The following TEX36 variants were observed in gnomAD, a reference collection of about 807,000 sequenced individuals.
TEX36 encodes testis-expressed protein 36.
In TEX36, 12 loss-of-function variants were observed where a neutral mutation model predicts 13.6. That is an observed-to-expected ratio of 0.88 (90% CI 0.56 to 1.43). The LOEUF is 1.43. Ranked by LOEUF, TEX36 falls within the 40% of genes most tolerant of loss-of-function variation. The probability of loss-of-function intolerance (pLI) is 0.00; values close to 1 mark genes in which losing one functional copy is unlikely to be tolerated. For missense variants in TEX36, 224 were observed against 228.3 expected, an observed-to-expected ratio of 0.98 and a Z score of 0.12; for synonymous variants, 93 against 83.0, an observed-to-expected ratio of 1.12 and a Z score of -0.65.
chr10:125,605,458 A>G (rs931617361), intron 3 of TEX36, among the ~76,000 whole-genome samples: 4 of 151,956 alleles, frequency 2.6e-5, no homozygotes, highest in Non-Finnish European at 5.9e-5. Flanking sequence ...AGCATAGTGC[A>G]GCAATGTGGT....
At chr10:125,580,312 G>A (rs1845868333) in intron 3 of TEX36, among the ~76,000 whole-genome samples, 1 of 152,188 alleles carries the variant, frequency 6.6e-6, no homozygotes, top group South Asian at 2.1e-4. Context: ...GTGCCCTAAG[G>A]TGTGAAAAAT....
At chr10:125,664,128 C>A (rs1157347232) in intron 1 of TEX36, among the ~76,000 whole-genome samples, 1 of 152,156 alleles carries the variant, frequency 6.6e-6, no homozygotes, top group African/African-American at 2.4e-5. Context: ...TTTTACTTAA[C>A]ATTTCCTCCA....
intron 3 of TEX36, among the ~76,000 whole-genome samples, chr10:125,622,789 C>G (rs1381069671): frequency 1.3e-5 from 2 of 152,172 alleles, no homozygotes; most frequent in Admixed American, 1.3e-4. Context: ...CTTGATAGTC[C>G]AGGTCAATCA....
chr10:125,651,997 A>G (rs995593949), downstream of TEX36, among the ~76,000 whole-genome samples: 1 of 152,256 alleles, frequency 6.6e-6, no homozygotes, highest in Non-Finnish European at 1.5e-5. Flanking sequence ...AAAAGAGGAC[A>G]CAAACAAATG....
chr10:125,658,131 A>AT (rs968390597), intron 3 of TEX36, among the ~76,000 whole-genome samples: 13 of 152,076 alleles, frequency 8.5e-5, no homozygotes, highest in African/African-American at 1.9e-4. Context: ...AGATTCTTCG[A>AT]TTTTTTTTAA....
At chr10:125,630,933 G>A (rs934873878) in intron 3 of TEX36, among the ~76,000 whole-genome samples, 23 of 152,222 alleles carry the variant, frequency 1.5e-4, no homozygotes, top group African/African-American at 5.5e-4. Context: ...GGCAGGAGGG[G>A]GTCAGGCTCC....
At chr10:125,650,918 A>C (rs1846842626), downstream of TEX36, among the ~76,000 whole-genome samples, 1 of 152,240 alleles carries the variant, frequency 6.6e-6, no homozygotes, top group Admixed American at 6.5e-5. Flanking sequence ...AAACTCCTGG[A>C]CACATACACC....
At chr10:125,577,959 C>T (rs868649511) in intron 3 of TEX36, among the ~76,000 whole-genome samples, 4 of 152,166 alleles carry the variant, frequency 2.6e-5, no homozygotes, top group South Asian at 2.1e-4. Flanking sequence ...CTGAAATAAA[C>T]AAATGTCATA....
intron 3 of TEX36, among the ~76,000 whole-genome samples, chr10:125,592,054 C>T (rs894010159): frequency 2.0e-5 from 3 of 152,192 alleles, no homozygotes; most frequent in Non-Finnish European, 2.9e-5. Flanking sequence ...TGTTTGCAAA[C>T]ATGTACACAG....
intron 1 of TEX36, 94 bp downstream of exon 1, chr10:125,682,845 T>TAA (rs1847417566): frequency 7.3e-7 from 1 of 1,375,326 alleles, no homozygotes; most frequent in South Asian, 1.2e-5. Context: ...AAGGTCATGC[T>TAA]TCAGTAATAG....
intron 3 of TEX36, 58 bp from the exon 4 acceptor site, chr10:125,656,254 T>TA: frequency 3.2e-6 from 4 of 1,249,388 alleles, no homozygotes; most frequent in Non-Finnish European, 4.1e-6. Context: ...TAGTTCTTTT[T>TA]TTTTTTTTTT....
chr10:125,630,648 G>C (rs987226638), intron 3 of TEX36, among the ~76,000 whole-genome samples: 1 of 152,068 alleles, frequency 6.6e-6, no homozygotes, highest in Non-Finnish European at 1.5e-5. Context: ...CGAGTTATTC[G>C]GGCATCTGGA....
chr10:125,669,393 T>C lies in TEX36; in HGVS notation c.52-7416A>G, dbSNP rs545201388. On this transcript the variant is annotated intron_variant, in intron 1 of 3. Coordinates refer to ENST00000368821, the MANE Select transcript of TEX36 (RefSeq NM_001128202.3). ...TACTCGGAAGGCTGAGGCAGGATAA[T>C]CACTTGAACCTGGGAGGCGGAGGTT... Among the ~76,000 whole-genome samples, 459 of 152,106 alleles carry C rather than the reference T, an allele frequency of 3.0e-3. 2 individuals are homozygous for C. Among genetic ancestry groups the C allele is most frequent in the Non-Finnish European group, 5.3e-3 (359 of 67,990 alleles).
rs940118219 is a variant in TEX36, at chr10:125,615,757, G to C, written c.265-38883C>G. Among the ~76,000 whole-genome samples, 140 of 152,064 alleles carry C rather than the reference G, an allele frequency of 9.2e-4. 1 individual carries two copies. The highest frequency in any genetic ancestry group is 3.3e-3 in the African/African-American group (137 of 41,432). On this transcript the variant is annotated intron_variant, in intron 3 of 3. Transcript: ENST00000532135. Reference sequence around the variant, plus strand: ...GTCTAAAATTCTCTTTTTTGGTTGTGTCTCTGCCTGGCTTTGGTATCAGGA... The same window carrying C: ...GTCTAAAATTCTCTTTTTTGGTTGTCTCTCTGCCTGGCTTTGGTATCAGGA...
downstream of TEX36, among the ~76,000 whole-genome samples, chr10:125,617,519 A>G (rs867004727): frequency 6.6e-6 from 1 of 152,110 alleles, no homozygotes; most frequent in Non-Finnish European, 1.5e-5. Flanking sequence ...TTGTCTGTAA[A>G]GTATTTTATT....
At chr10:125,642,733 T>C (rs1416006902) in intron 3 of TEX36, among the ~76,000 whole-genome samples, 1 of 152,210 alleles carries the variant, frequency 6.6e-6, no homozygotes, top group East Asian at 1.9e-4. Flanking sequence ...TTGGTGGTAA[T>C]ATGTCCAACA....
intron 1 of TEX36, among the ~76,000 whole-genome samples, chr10:125,673,902 G>T (rs140375907): frequency 0.01 from 1,563 of 151,904 alleles, 11 homozygotes; most frequent in Middle Eastern, 0.034. Context: ...ATGTGTCTTG[G>T]GGTTGATCTT....
intron 3 of TEX36, among the ~76,000 whole-genome samples, chr10:125,603,332 G>C (rs989686568): frequency 2.0e-5 from 3 of 152,268 alleles, no homozygotes; most frequent in Middle Eastern, 3.4e-3. Context: ...CCTGGCGGGG[G>C]TCCAGGGGTG....
chr10:125,577,173 G>A (rs1845834745), intron 3 of TEX36, among the ~76,000 whole-genome samples: 1 of 152,148 alleles, frequency 6.6e-6, no homozygotes, highest in Non-Finnish European at 1.5e-5. Context: ...TTTTCCAGGA[G>A]GTCTCAGGTG....
Sources: allele counts gnomAD v4.1 joint callset (sites outside exome capture counted in the v4.1 genomes callset), GRCh38; gene constraint gnomAD v4.1.1; transcripts MANE v1.5; gene names NCBI Gene and HGNC (gene_info 2026-07-23, HGNC 2026-07-21).